The following DPYS variants were observed in gnomAD, a reference collection of about 807,000 sequenced individuals.
The protein encoded by DPYS is dihydropyrimidine amidohydrolase.
DPYS carries 39 observed loss-of-function variants against 50.3 expected under a neutral mutation model. The observed-to-expected ratio is 0.78, with a 90% confidence interval of 0.60 to 1.01. The LOEUF is 1.01. Ranked by LOEUF, DPYS falls within the 50% of genes least tolerant of loss-of-function variation. DPYS has a pLI of 0.00. For missense variants in DPYS, 659 were observed against 680.9 expected (o/e 0.97, Z 0.36); for synonymous variants, 245 against 250.7 (o/e 0.98, Z 0.22).
intron 7 of DPYS, among the ~76,000 whole-genome samples, chr8:104,418,018 G>A (rs1812423217): frequency 6.6e-6 from 1 of 152,226 alleles, no homozygotes; most frequent in South Asian, 2.1e-4. Context: ...GCTACAGATT[G>A]TGTGGCAAGC....
At position 104,396,958 on chromosome 8, in the gene DPYS, A is replaced by T. The variant is rs955622009; in HGVS notation, c.1236-3967T>A. ...GTAAATGAAGTCATATTAACACAAA[A>T]TGTAAATTTGAGGCACTATCACCAG... On this transcript the variant is annotated intron_variant, in intron 7 of 9. Transcript: ENST00000351513. Among the ~76,000 whole-genome samples, 4 of 152,230 alleles carry T rather than the reference A, an allele frequency of 2.6e-5. No individual in the cohort carries two copies. The South Asian group carries it at 8.3e-4, about 32-fold the overall frequency.
chr8:104,400,484 A>C (rs1453283286), intron 7 of DPYS, among the ~76,000 whole-genome samples: 1 of 152,238 alleles, frequency 6.6e-6, no homozygotes, highest in Non-Finnish European at 1.5e-5. Context: ...AGAGAGTGGC[A>C]ATTGTGAGAA....
intron 1 of DPYS, among the ~76,000 whole-genome samples, chr8:104,463,179 A>C (rs1347513677): frequency 6.6e-6 from 1 of 152,220 alleles, no homozygotes; most frequent in East Asian, 1.9e-4. Context: ...AAAGTATAAT[A>C]TATCATTTTT....
intron 6 of DPYS, among the ~76,000 whole-genome samples, chr8:104,427,099 G>T (rs1312622161): frequency 1.3e-5 from 2 of 151,162 alleles, no homozygotes; most frequent in Non-Finnish European, 2.9e-5. Flanking sequence ...TACTTGGGAG[G>T]CTGAGGCAGG....
rs570306678 is a variant in DPYS, at chr8:104,424,863, G to A, written c.1093-474C>T. Among the ~76,000 whole-genome samples, 5 of 139,292 alleles carry A rather than the reference G, an allele frequency of 3.6e-5. No homozygotes were observed. The East Asian group carries it at 1.1e-3, about 30-fold the overall frequency. The allele number at this position is 139,292 out of a possible 152,430, so 91.4% of individuals were successfully genotyped here. A position where few individuals can be genotyped will look rare whatever the true frequency, so the allele number is the denominator to read the frequency against. ...TTTTTTGAGATGGAATTTCACTCTC[G>A]TTGCCCAGGCTGGAGTGCAGTGGTG... On this transcript the variant is annotated intron_variant, in intron 6 of 9. Coordinates refer to ENST00000351513, the MANE Select transcript of DPYS (RefSeq NM_001385.3).
At chr8:104,416,109 A>C (rs538737792) in intron 7 of DPYS, among the ~76,000 whole-genome samples, 1 of 152,336 alleles carries the variant, frequency 6.6e-6, no homozygotes, top group Admixed American at 6.5e-5. Context: ...GATATACCCA[A>C]GGTCACACCC....
chr8:104,434,628 A>G (rs1188881234), intron 4 of DPYS, among the ~76,000 whole-genome samples: 1 of 152,236 alleles, frequency 6.6e-6, no homozygotes, highest in Non-Finnish European at 1.5e-5. Flanking sequence ...AACAACAATC[A>G]AATATACAAA....
intron 4 of DPYS, among the ~76,000 whole-genome samples, chr8:104,434,098 G>T (rs1288802147): frequency 6.6e-6 from 1 of 152,146 alleles, no homozygotes; most frequent in Non-Finnish European, 1.5e-5. Context: ...ATACATGTAA[G>T]CTATACATTG....
chr8:104,448,891 C>G (rs1228635061), intron 2 of DPYS, among the ~76,000 whole-genome samples: 1 of 152,158 alleles, frequency 6.6e-6, no homozygotes, highest in Admixed American at 6.5e-5. Context: ...TGGTGCTTAT[C>G]ACCCGGCATA....
intron 6 of DPYS, among the ~76,000 whole-genome samples, chr8:104,424,738 T>C (rs1812663887): frequency 6.6e-6 from 1 of 152,190 alleles, no homozygotes. Flanking sequence ...ACATTTATGA[T>C]CTGACTTATT....
chr8:104,379,865 C>A (rs1810974874), intron 9 of DPYS, 22 bp from the exon 10 acceptor site: 1 of 456,024 alleles, frequency 2.2e-6, no homozygotes, highest in Non-Finnish European at 4.4e-6. Flanking sequence ...ATGAAAGGAA[C>A]TCACTGTAAC....
At chr8:104,384,681 G>T (rs1811156925) in intron 8 of DPYS, among the ~76,000 whole-genome samples, 1 of 152,164 alleles carries the variant, frequency 6.6e-6, no homozygotes, top group Non-Finnish European at 1.5e-5. Context: ...AAAATAAAGT[G>T]AGCCTCTTTC....
intron 7 of DPYS, among the ~76,000 whole-genome samples, chr8:104,409,849 G>A (rs1812115250): frequency 6.6e-6 from 1 of 152,210 alleles, no homozygotes; most frequent in African/African-American, 2.4e-5. Flanking sequence ...TCGAAGAGGG[G>A]AGTAACTTGC....
intron 1 of DPYS, among the ~76,000 whole-genome samples, chr8:104,462,713 C>T (rs1814213375): frequency 6.6e-6 from 1 of 152,182 alleles, no homozygotes; most frequent in Admixed American, 6.5e-5. Flanking sequence ...ATACTTCATT[C>T]TCTTATCACA....
chr8:104,458,800 T>C (rs1386277381), intron 1 of DPYS, among the ~76,000 whole-genome samples: 1 of 152,238 alleles, frequency 6.6e-6, no homozygotes, highest in Non-Finnish European at 1.5e-5. Context: ...AACATGTTAA[T>C]ATGGAGTGTC....
rs770140003 is a variant in DPYS at position 104,380,888 on chromosome 8, T to G, written c.*14+296A>C. ...AATTATACTCCCTGTCTTAAGTAGT[T>G]CCCTCTGTATGTTATCAGCCTCCTT... On this transcript the variant is annotated intron_variant, in intron 9 of 9. Coordinates refer to ENST00000351513, the MANE Select transcript of DPYS (RefSeq NM_001385.3). 1.6e-5 allele frequency: 5 copies of G among 310,878 alleles called. 1 individual carries two copies. Among genetic ancestry groups the G allele is most frequent in the Non-Finnish European group, 3.1e-5 (5 of 161,004 alleles). The allele number at this position is 310,878 out of a possible 1,614,324, so 19.3% of individuals were successfully genotyped here.
intron 7 of DPYS, among the ~76,000 whole-genome samples, chr8:104,417,566 A>G (rs1812408889): frequency 6.6e-6 from 1 of 152,222 alleles, no homozygotes; most frequent in Non-Finnish European, 1.5e-5. Flanking sequence ...TCAGATATGG[A>G]AAACGTCCTT....
chr8:104,424,214 A>G (rs1812643273), intron 7 of DPYS, 33 bp downstream of exon 7: 1 of 1,614,048 alleles, frequency 6.2e-7, no homozygotes, highest in Non-Finnish European at 8.5e-7. Context: ...TTTCTCCACA[A>G]TGAAGCCAAG....
chr8:104,390,151 G>C (rs986925354), intron 8 of DPYS, among the ~76,000 whole-genome samples: 1 of 152,150 alleles, frequency 6.6e-6, no homozygotes, highest in Admixed American at 6.6e-5. Flanking sequence ...CACTTCAGGC[G>C]TCACATAATC....
Sources: allele counts gnomAD v4.1 joint callset (sites outside exome capture counted in the v4.1 genomes callset), GRCh38; gene constraint gnomAD v4.1.1; transcripts MANE v1.5; gene names NCBI Gene and HGNC (gene_info 2026-07-23, HGNC 2026-07-21).